The following APOD variants were observed in gnomAD, a reference collection of about 807,000 sequenced individuals.
APOD encodes the protein apo-D.
In APOD, 22 loss-of-function variants were observed where a neutral mutation model predicts 20.4. That is an observed-to-expected ratio of 1.08 (90% confidence interval 0.77 to 1.54). The LOEUF is 1.54. Among genes scored for constraint, APOD ranks in the 40% most tolerant of loss-of-function variants. APOD has a pLI of 0.00. For missense variants in APOD, 223 were observed against 229.6 expected, an observed-to-expected ratio of 0.97 and a Z score of 0.19; for synonymous variants, 97 against 92.4, an observed-to-expected ratio of 1.05 and a Z score of -0.29.
At chr3:195,582,458 T>C (rs1272368978) in intron 1 of APOD, among the ~76,000 whole-genome samples, 3 of 152,136 alleles carry the variant, frequency 2.0e-5, no homozygotes, top group African/African-American at 7.2e-5. Context: ...ATATTATTTT[T>C]GGCCGGGCAT....
Position 195,579,470 on chromosome 3 carries a change from T to A in APOD, c.-9A>T, listed in dbSNP as rs1269538474. The stretch of plus-strand genomic sequence containing the variant: ...AGCAGCAGCATCACCATCTTGGGGC[T>A]GGGTGGCTGGAGAAGGGACCTGGAG... On this transcript the variant is annotated 5_prime_UTR_variant, in exon 2 of 5. Transcript: ENST00000343267. 1 of 1,611,778 alleles carries A rather than the reference T, an allele frequency of 6.2e-7. No homozygotes were observed.
chr3:195,578,924 T>G (rs989765085), intron 2 of APOD, among the ~76,000 whole-genome samples: 1 of 152,204 alleles, frequency 6.6e-6, no homozygotes, highest in African/African-American at 2.4e-5. Flanking sequence ...GCCTCCCACC[T>G]GAGACCCTGT....
At chr3:195,575,393 A>C (rs1720232128) in intron 2 of APOD, among the ~76,000 whole-genome samples, 1 of 152,160 alleles carries the variant, frequency 6.6e-6, no homozygotes, top group Non-Finnish European at 1.5e-5. Context: ...AGTAACATTC[A>C]CAAGGTTAGG....
chr3:195,573,353 T>C (rs1399995726), intron 3 of APOD, among the ~76,000 whole-genome samples: 4 of 152,234 alleles, frequency 2.6e-5, no homozygotes. Context: ...TGTACACTTC[T>C]AAAGGATATC....
intron 3 of APOD, 29 bp from the exon 4 acceptor site, chr3:195,571,394 C>A (rs564771434): frequency 5.2e-6 from 8 of 1,546,414 alleles, no homozygotes; most frequent in Non-Finnish European, 7.0e-6. Flanking sequence ...AGAAAAAATA[C>A]AAAAAACGAA....
At position 195,583,906 on chromosome 3, in the gene APOD, A is replaced by C. The variant is rs1346116974; in HGVS notation, c.-63T>G. On this transcript the variant is annotated 5_prime_UTR_variant, in exon 1 of 5. Coordinates refer to ENST00000343267, the MANE Select transcript of APOD (RefSeq NM_001647.4). ...TTCTTTCAAGATGAAGGCAGTTTCC[A>C]GATGCAGAATCAGCCGATTTGAGAT... is the stretch of plus-strand genomic sequence containing the variant. 6.6e-6 allele frequency: 1 copy of C among 152,208 alleles called. No individual in the cohort carries two copies. The allele number at this position is 152,208 out of a possible 1,614,324, so 9.4% of individuals were successfully genotyped here. A position where few individuals can be genotyped will look rare whatever the true frequency, so the allele number is the denominator to read the frequency against.
chr3:195,568,910 T>C lies in APOD; in HGVS notation c.560A>G (p.Lys187Arg). 1 of 1,613,502 alleles carries C rather than the reference T, an allele frequency of 6.2e-7. No individual in the cohort carries two copies. Among genetic ancestry groups the C allele is most frequent in the Non-Finnish European group, 8.5e-7 (1 of 1,179,592 alleles). The change falls in exon 5 of 5, where the codon AAG (lysine) becomes AGG (arginine). Residue 187 changes from lysine to arginine, a missense_variant. Physicochemically the swap from Lys to Arg is conservative, Grantham distance 26 (BLOSUM62 2). Transcript: ENST00000343267. ...MTVTDQVNCP[K>R]LS ...CCCTGTAGAACCTGGTTACGAGAGC[T>C]TGGGGCAGTTCACCTGGTCTGTGAC...
At chr3:195,577,193 A>AAAG in intron 2 of APOD, 1 of 359,568 alleles carries the variant, frequency 2.8e-6, no homozygotes, top group Non-Finnish European at 5.3e-6. Context: ...TCTCAAAAAA[A>AAAG]AAAAGAAAAG....
At chr3:195,578,285 T>C (rs1184073517) in intron 2 of APOD, among the ~76,000 whole-genome samples, 1 of 152,174 alleles carries the variant, frequency 6.6e-6, no homozygotes, top group East Asian at 1.9e-4. Flanking sequence ...CAAGTCAGTG[T>C]AGACGTTAGT....
chr3:195,582,257 C>A (rs1046198944), intron 1 of APOD, among the ~76,000 whole-genome samples: 22 of 152,156 alleles, frequency 1.4e-4, no homozygotes, highest in Middle Eastern at 3.4e-3. Flanking sequence ...CGGACAGCAT[C>A]CATTATAGTT....
At chr3:195,581,659 G>T (rs954174478) in intron 1 of APOD, among the ~76,000 whole-genome samples, 2 of 152,208 alleles carry the variant, frequency 1.3e-5, no homozygotes, top group East Asian at 1.9e-4. Context: ...TCTGTGCACC[G>T]CCATAGGGCC....
chr3:195,580,913 C>T (rs569501850), intron 1 of APOD, among the ~76,000 whole-genome samples: 2 of 152,290 alleles, frequency 1.3e-5, no homozygotes, highest in South Asian at 2.1e-4. Context: ...TTCACTGACT[C>T]GCTGTCAATT....
chr3:195,569,505 C>T (rs1382239773), intron 4 of APOD, among the ~76,000 whole-genome samples: 1 of 152,162 alleles, frequency 6.6e-6, no homozygotes, highest in Non-Finnish European at 1.5e-5. Context: ...AATCTGTCTC[C>T]CACCTCTGCC....
chr3:195,573,014 C>T (rs1018799318), intron 3 of APOD, among the ~76,000 whole-genome samples: 2 of 152,280 alleles, frequency 1.3e-5, no homozygotes, highest in African/African-American at 2.4e-5. Context: ...AGCTGGAGAC[C>T]GTGCCCTCCT....
At chr3:195,579,300 A>G (rs1373929869) in intron 2 of APOD, 39 bp downstream of exon 2, 1 of 1,613,070 alleles carries the variant, frequency 6.2e-7, no homozygotes, top group South Asian at 1.1e-5. Flanking sequence ...GCTTATTCAC[A>G]GCGGAGGCAG....
At position 195,569,141 on chromosome 3, in the gene APOD, A is replaced by G. The variant is rs551173935; in HGVS notation, c.335-6T>C. ...GTACGGTGCCGATGGCATAACTGAGAACCAGAGAGAGGCAGCATTATTGGA... is the reference window on the plus strand; with the variant it reads ...GTACGGTGCCGATGGCATAACTGAGGACCAGAGAGAGGCAGCATTATTGGA... On this transcript the variant is annotated splice_polypyrimidine_tract_variant and splice_region_variant and intron_variant, in intron 4 of 4. Transcript: ENST00000343267. The G allele has an allele frequency of 5.1e-5, 82 of 1,611,260 alleles. 1 individual carries two copies. In the South Asian group the frequency reaches 8.7e-4, roughly 17 times the overall value.
chr3:195,582,311 T>C (rs1720353047), intron 1 of APOD, among the ~76,000 whole-genome samples: 1 of 152,262 alleles, frequency 6.6e-6, no homozygotes, highest in Admixed American at 6.5e-5. Flanking sequence ...TTATTGAGCA[T>C]GTTATTAATG....
chr3:195,583,132 C>T (rs1184193554), intron 1 of APOD: 1 of 152,170 alleles, frequency 6.6e-6, no homozygotes, highest in Non-Finnish European at 1.5e-5. Flanking sequence ...AGCACCTCCT[C>T]TGGAGGCGAC....
chr3:195,569,249 G>T, intron 4 of APOD, 114 bp from the exon 5 acceptor site: 2 of 847,656 alleles, frequency 2.4e-6, no homozygotes, highest in Non-Finnish European at 3.8e-6. Flanking sequence ...CTCTGATTTT[G>T]TTTATCAATC....
Sources: allele counts gnomAD v4.1 joint callset (sites outside exome capture counted in the v4.1 genomes callset), GRCh38; gene constraint gnomAD v4.1.1; transcripts MANE v1.5; gene names NCBI Gene and HGNC (gene_info 2026-07-23, HGNC 2026-07-21).